ANKRD11: variants seen among roughly 807,000 people sequenced by gnomAD.
ANKRD11 encodes ankyrin repeat domain-containing protein 11.
A neutral mutation model predicts 195.7 loss-of-function variants in ANKRD11; 17 were observed. The ratio of observed to expected loss-of-function variants is 0.09; its 90% CI spans 0.06 to 0.13. The LOEUF is 0.13. Among genes scored for constraint, ANKRD11 ranks in the 10% least tolerant of loss-of-function variants. ANKRD11 has a pLI of 1.00. For synonymous variants in ANKRD11, 1,953 were observed against 1,528.1 expected, an observed-to-expected ratio of 1.28 and a Z score of -6.49; for missense variants, 3,735 against 3,566.1, an observed-to-expected ratio of 1.05 and a Z score of -1.21.
In ANKRD11 at chr16:89,279,680, C is replaced by T. The variant is rs772115194; in HGVS notation, c.6862G>A (p.Ala2288Thr). 1 of 1,481,518 alleles carries T rather than the reference C, an allele frequency of 6.7e-7. No individual in the cohort carries two copies. Among genetic ancestry groups the T allele is most frequent in the South Asian group, 1.3e-5 (1 of 75,944 alleles). 91.8% of individuals were successfully genotyped at this position (1,481,518 alleles called of 1,614,324 possible). A position where few individuals can be genotyped will look rare whatever the true frequency, so the allele number is the denominator to read the frequency against. Residue 2288 changes from alanine to threonine, a missense_variant, in exon 9 of 13, where the codon GCC (alanine) becomes ACC (threonine). Ala to Thr is a moderately conservative substitution (Grantham distance 58, BLOSUM62 0). Coordinates refer to ENST00000301030, the MANE Select transcript of ANKRD11 (RefSeq NM_013275.6). The surrounding 1 kb of genome is among the most constrained non-coding windows in gnomAD (Gnocchi z 5.6). Reference protein sequence around the residue: ...TVAQAQAADGAGPEDDTEASR... With the variant: ...TVAQAQAADGTGPEDDTEASR... ...GCCTCAGTGTCGTCCTCGGGGCCGG[C>T]ACCGTCTGCGGCCTGAGCTTGTGCC...
chr16:89,289,921 C>T (rs1034034817), intron 6 of ANKRD11, among the ~76,000 whole-genome samples: 2 of 152,114 alleles, frequency 1.3e-5, no homozygotes, highest in African/African-American at 2.4e-5. Flanking sequence ...GCGCCTGCAC[C>T]CGGAAGGCTG....
At chr16:89,351,041 C>T (rs2039191432) in intron 2 of ANKRD11, among the ~76,000 whole-genome samples, 1 of 152,204 alleles carries the variant, frequency 6.6e-6, no homozygotes, top group South Asian at 2.1e-4. Flanking sequence ...ACGCATTTCT[C>T]AGGATGCATC....
intron 2 of ANKRD11, among the ~76,000 whole-genome samples, chr16:89,341,908 C>T (rs1227928111): frequency 6.6e-6 from 1 of 150,926 alleles, no homozygotes. Flanking sequence ...CCACCCACAG[C>T]GGCCACGGCC....
At chr16:89,289,120 C>T (rs1213519597) in intron 6 of ANKRD11, 4 of 263,804 alleles carry the variant, frequency 1.5e-5, no homozygotes, top group Non-Finnish European at 3.0e-5. Context: ...CAGGGGCGCC[C>T]AGGCTCGGGC....
chr16:89,487,255 T>C (rs1446072087), intron 1 of ANKRD11, among the ~76,000 whole-genome samples: 1 of 152,182 alleles, frequency 6.6e-6, no homozygotes, highest in Non-Finnish European at 1.5e-5. Context: ...TAAGAGACAC[T>C]CACCCATTAC....
intron 4 of ANKRD11, among the ~76,000 whole-genome samples, chr16:89,292,201 C>G (rs1379471841): frequency 6.6e-6 from 1 of 152,232 alleles, no homozygotes; most frequent in Non-Finnish European, 1.5e-5. Context: ...GCCTCTGAAG[C>G]TCTCCTCTGA....
intron 1 of ANKRD11, chr16:89,488,951 A>C (rs2057711923): frequency 6.6e-6 from 1 of 152,214 alleles, no homozygotes; most frequent in Admixed American, 6.5e-5. Flanking sequence ...GAAGGAAAAC[A>C]GTTTCAAAGC....
chr16:89,464,468 C>T (rs774373723), intron 1 of ANKRD11, among the ~76,000 whole-genome samples: 1 of 150,160 alleles, frequency 6.7e-6, no homozygotes, highest in South Asian at 2.1e-4. Context: ...ATTAGCTGGG[C>T]GTGGGGTCAG....
At chr16:89,462,034 C>CGGA (rs2056689045) in intron 1 of ANKRD11, among the ~76,000 whole-genome samples, 1 of 144,456 alleles carries the variant, frequency 6.9e-6, no homozygotes, top group South Asian at 2.4e-4. Flanking sequence ...CTCTCCCTCC[C>CGGA]CCTCTCCCTC....
chr16:89,373,564 C>CAG (rs1191528429), intron 2 of ANKRD11: 1 of 152,278 alleles, frequency 6.6e-6, no homozygotes, highest in East Asian at 1.9e-4. Flanking sequence ...ATAGCAGTAC[C>CAG]AGACACCAGC....
At chr16:89,277,727 G>C (rs913618446) in intron 9 of ANKRD11, 5 of 152,336 alleles carry the variant, frequency 3.3e-5, no homozygotes, top group African/African-American at 1.2e-4. Context: ...TGCTCCCTGG[G>C]AGCAGAGCTC....
chr16:89,474,005 T>A (rs1445770485), intron 1 of ANKRD11, among the ~76,000 whole-genome samples: 1 of 152,202 alleles, frequency 6.6e-6, no homozygotes, highest in African/African-American at 2.4e-5. Flanking sequence ...GCTGCCAAGC[T>A]GCAAGGGGCC....
chr16:89,387,651 C>T (rs866510898), intron 2 of ANKRD11, among the ~76,000 whole-genome samples: 1 of 139,664 alleles, frequency 7.2e-6, no homozygotes, highest in African/African-American at 2.7e-5. Context: ...CTAGCCTGGG[C>T]GACAGAGCGA....
intron 1 of ANKRD11, among the ~76,000 whole-genome samples, chr16:89,436,548 G>A (rs1412739183): frequency 6.6e-6 from 1 of 152,180 alleles, no homozygotes; most frequent in Non-Finnish European, 1.5e-5. Context: ...TGGGTGTTGG[G>A]ACATAGCAAA....
At chr16:89,401,504 T>G (rs936023961) in intron 2 of ANKRD11, among the ~76,000 whole-genome samples, 1 of 152,200 alleles carries the variant, frequency 6.6e-6, no homozygotes, top group African/African-American at 2.4e-5. Flanking sequence ...AAAAAGTACA[T>G]GATATATTCA....
intron 1 of ANKRD11, among the ~76,000 whole-genome samples, chr16:89,463,539 G>T (rs921090226): frequency 7.2e-5 from 11 of 152,106 alleles, no homozygotes; most frequent in African/African-American, 2.7e-4. Context: ...ACTGCGGAAG[G>T]CCGCAGGGTC....
chr16:89,306,375 G>A (rs1236045841), intron 3 of ANKRD11, among the ~76,000 whole-genome samples: 1 of 49,516 alleles, frequency 2.0e-5, no homozygotes, highest in Admixed American at 2.1e-4. Context: ...GCAGACACGC[G>A]CCACTTACCT....
Position 89,366,277 on chromosome 16 carries a change from C to T in ANKRD11, c.-59-49199G>A, listed in dbSNP as rs574775828. On this transcript the variant is annotated intron_variant, in intron 2 of 12. Transcript: ENST00000301030. ...TCCATGTCTTCTTCTGTGAATGGTG[C>T]TGCAATGGACATTCGCCCGCATGTG... 1.4e-3 allele frequency among the ~76,000 whole-genome samples: 206 copies of T among 152,108 alleles called. 1 individual carries two copies. The highest frequency in any genetic ancestry group is 4.7e-3 in the African/African-American group (193 of 41,478).
At chr16:89,313,124 C>T (rs1416885528) in intron 3 of ANKRD11, among the ~76,000 whole-genome samples, 1 of 152,226 alleles carries the variant, frequency 6.6e-6, no homozygotes. Context: ...TAACAAGCTC[C>T]AGCAGCTCAG....
Sources: allele counts gnomAD v4.1 joint callset (sites outside exome capture counted in the v4.1 genomes callset), GRCh38; gene constraint gnomAD v4.1.1; non-coding constraint Gnocchi (gnomAD v3.1); transcripts MANE v1.5; gene names NCBI Gene and HGNC (gene_info 2026-07-23, HGNC 2026-07-21).